TMEM198: variants seen among roughly 807,000 people sequenced by gnomAD.
The protein encoded by TMEM198 is transmembrane protein 198.
In TMEM198, 21 loss-of-function variants were observed where a neutral mutation model predicts 31.5. The observed-to-expected ratio is 0.67, with a 90% CI of 0.47 to 0.96. TMEM198 has a LOEUF of 0.96. Ranked by LOEUF, TMEM198 falls within the 40% of genes least tolerant of loss-of-function variation. The pLI is 0.00. For missense variants in TMEM198, 447 were observed against 499.4 expected (o/e 0.89, Z 1.00); for synonymous variants, 211 against 223.3 (o/e 0.95, Z 0.49).
Position 219,544,173 on chromosome 2 carries a change from G to A in TMEM198, c.-244G>A, listed in dbSNP as rs776375857. 4.8e-5 allele frequency: 22 copies of A among 459,264 alleles called. No homozygotes were observed. The highest frequency in any genetic ancestry group is 7.5e-5 in the Non-Finnish European group (17 of 226,978). 28.4% of individuals were successfully genotyped at this position (459,264 alleles called of 1,614,324 possible). A position where few individuals can be genotyped will look rare whatever the true frequency, so the allele number is the denominator to read the frequency against. On this transcript the variant is annotated 5_prime_UTR_variant, in exon 1 of 5. Transcript: ENST00000373883. ...CCAGCCCGAGTTCCCGGACGCCGCG[G>A]GACTGGAGTGCCAGCCGGTGTTGGA...
At chr2:219,546,377 C>A (rs1307812834) in intron 2 of TMEM198, among the ~76,000 whole-genome samples, 2 of 152,126 alleles carry the variant, frequency 1.3e-5, no homozygotes, top group African/African-American at 4.8e-5. Flanking sequence ...TTCTGTGTGA[C>A]CTCATGTAAG....
intron 3 of TMEM198, 129 bp downstream of exon 3, chr2:219,548,210 G>A: frequency 2.3e-6 from 2 of 872,460 alleles, no homozygotes; most frequent in South Asian, 3.8e-5. Context: ...GACTTGCTCA[G>A]GGTCTGGGAG....
chr2:219,549,094 C>A, intron 3 of TMEM198, 58 bp from the exon 4 acceptor site: 1 of 1,599,038 alleles, frequency 6.3e-7, no homozygotes, highest in Non-Finnish European at 8.6e-7. Flanking sequence ...AGAGGGAGGG[C>A]TCAAGGGAAA....
At chr2:219,549,083 G>A (rs1695465721) in intron 3 of TMEM198, 69 bp from the exon 4 acceptor site, 1 of 1,574,274 alleles carries the variant, frequency 6.4e-7, no homozygotes, top group Non-Finnish European at 8.7e-7. Flanking sequence ...GGTGGGATGA[G>A]AGAGGGAGGG....
At chr2:219,548,306 C>T (rs1380687343) in intron 3 of TMEM198, among the ~76,000 whole-genome samples, 2 of 152,228 alleles carry the variant, frequency 1.3e-5, no homozygotes, top group African/African-American at 2.4e-5. Context: ...ACCAGGGATA[C>T]AGCAGAGATA....
rs1359683060 is a variant in TMEM198 at position 219,547,588 on chromosome 2, G to A, written c.249G>A (p.Glu83=). The change falls in exon 3 of 5, where the codon GAG becomes GAA. Residue 83 remains glutamate, a synonymous_variant. Transcript: ENST00000373883. ...SVVIFLLCYR[E]RVLETQLSAG... ...TCATCTTCCTCCTCTGCTACCGAGA[G>A]CGGGTGCTAGAGACACAGCTGAGTG... The A allele has an allele frequency of 6.8e-7, 1 of 1,468,450 alleles. No homozygotes were observed. The highest frequency in any genetic ancestry group is 2.4e-5 in the Admixed American group (1 of 41,746). 91.0% of individuals were successfully genotyped at this position (1,468,450 alleles called of 1,614,324 possible).
intron 3 of TMEM198, 60 bp downstream of exon 3, chr2:219,548,141 G>A: frequency 1.4e-6 from 2 of 1,418,120 alleles, no homozygotes; most frequent in Non-Finnish European, 9.3e-7. Context: ...ATGGGTTGGG[G>A]GCCAAGTGAC....
chr2:219,547,456 C>T, intron 2 of TMEM198, 50 bp from the exon 3 acceptor site: 1 of 1,381,198 alleles, frequency 7.2e-7, no homozygotes, highest in South Asian at 2.2e-5. Flanking sequence ...CTGCTCCCTC[C>T]AGCCTGGTGC....
rs746113200 is a variant in TMEM198, at chr2:219,544,380, A to G, written c.-40+3A>G. 7 of 500,830 alleles carry G rather than the reference A, an allele frequency of 1.4e-5. No homozygotes were observed. The highest frequency in any genetic ancestry group is 1.1e-4 in the South Asian group (7 of 64,870). 31.0% of individuals were successfully genotyped at this position (500,830 alleles called of 1,614,324 possible). ...AGCTCAGGTCGCCTCCAGCCCAGGT[A>G]AATCTTGGACAATCCCATATTGAGC... On this transcript the variant is annotated splice_donor_region_variant and intron_variant, in intron 1 of 4. Coordinates refer to ENST00000373883, the MANE Select transcript of TMEM198 (RefSeq NM_001005209.3).
chr2:219,543,767 C>G (rs1284907682), upstream of TMEM198: 25 of 468,914 alleles, frequency 5.3e-5, no homozygotes, highest in South Asian at 9.6e-4. Flanking sequence ...GCGCTCGGCA[C>G]TGGAGCCTCA....
Position 219,549,293 on chromosome 2 carries a change from A to ATG in TMEM198, c.884_885insTG (p.Pro296AlafsTer36). On this transcript the variant is annotated frameshift_variant, in exon 4 of 5. Coordinates refer to ENST00000373883, the MANE Select transcript of TMEM198 (RefSeq NM_001005209.3). LOFTEE classifies it high-confidence loss of function. ...GCTCCTCCCAGGCCTGGGCCACCAG[A>ATG]CCCTGCTTATCGGCGCAGGCCAGTG... The ATG allele has an allele frequency of 6.2e-7, 1 of 1,613,370 alleles. No individual in the cohort carries two copies. Among genetic ancestry groups the ATG allele is most frequent in the Admixed American group, 1.7e-5 (1 of 59,968 alleles).
chr2:219,543,861 G>A (rs1199322268), upstream of TMEM198: 3 of 380,942 alleles, frequency 7.9e-6, no homozygotes, highest in Non-Finnish European at 1.4e-5. Context: ...CGGAGAGGGA[G>A]GAGAAGGGGG....
At position 219,550,173 on chromosome 2, in the gene TMEM198, C is replaced by T. The variant is rs2106000200; in HGVS notation, c.*319C>T. On this transcript the variant is annotated 3_prime_UTR_variant, in exon 5 of 5. Coordinates refer to ENST00000373883, the MANE Select transcript of TMEM198 (RefSeq NM_001005209.3). ...CTTGGAGGGGACGCTGGGACCCTTG[C>T]CTTAGATTTCTGACTGGTAGGGTTT... 1 of 266,316 alleles carries T rather than the reference C, an allele frequency of 3.8e-6. No individual in the cohort carries two copies. Among genetic ancestry groups the T allele is most frequent in the East Asian group, 7.1e-5 (1 of 14,028 alleles). 16.5% of individuals were successfully genotyped at this position (266,316 alleles called of 1,614,324 possible).
chr2:219,549,154 G>A lies in TMEM198; in HGVS notation c.745G>A (p.Val249Ile). The A allele has an allele frequency of 6.2e-7, 1 of 1,613,838 alleles. No individual in the cohort carries two copies. ...CTTCTCTACCCATCCCACCACAGTG[G>A]TCATCAGCCGGCAGCGCCGACGCGT... Reference protein sequence around the residue: ...TAEGDSHTEVVISRQRRRVQL... With the variant: ...TAEGDSHTEVIISRQRRRVQL... The change falls in exon 4 of 5, where the codon GTC becomes ATC. Residue 249 changes from valine to isoleucine, a missense_variant and splice_region_variant. Coordinates refer to ENST00000373883, the MANE Select transcript of TMEM198 (RefSeq NM_001005209.3).
At chr2:219,544,602 C>A in intron 1 of TMEM198, 87 bp from the exon 2 acceptor site, 1 of 1,080,402 alleles carries the variant, frequency 9.3e-7, no homozygotes, top group African/African-American at 1.6e-5. Flanking sequence ...TGTCCACTGT[C>A]CTTGCTGAGT....
At chr2:219,545,307 C>T (rs1017888787) in intron 2 of TMEM198, among the ~76,000 whole-genome samples, 3 of 152,206 alleles carry the variant, frequency 2.0e-5, no homozygotes, top group Non-Finnish European at 4.4e-5. Flanking sequence ...TACACATGGT[C>T]CCTTACCACA....
chr2:219,547,019 TC>T (rs1369461165), intron 2 of TMEM198, among the ~76,000 whole-genome samples: 1 of 151,908 alleles, frequency 6.6e-6, no homozygotes, highest in Non-Finnish European at 1.5e-5. Context: ...ACCTCATGAT[TC>T]ACCCGCCTTG....
At chr2:219,546,510 T>C (rs1396414423) in intron 2 of TMEM198, among the ~76,000 whole-genome samples, 2 of 152,190 alleles carry the variant, frequency 1.3e-5, no homozygotes, top group Admixed American at 6.5e-5. Context: ...AACCTCATTA[T>C]CTGATCACCC....
intron 2 of TMEM198, 43 bp downstream of exon 2, chr2:219,544,936 T>G (rs770527132): frequency 1.9e-6 from 3 of 1,597,888 alleles, no homozygotes; most frequent in Middle Eastern, 1.7e-4. Flanking sequence ...CCCCAGTGTT[T>G]CCCCGAGTTC....
Sources: gnomAD v4.1 joint callset for allele counts (sites outside exome capture counted in the v4.1 genomes callset) on GRCh38, gnomAD v4.1.1 for gene constraint, MANE v1.5 for transcripts, NCBI Gene and HGNC (gene_info 2026-07-23, HGNC 2026-07-21) for gene names.